The following DIP2B variants were observed in gnomAD, a reference collection of about 807,000 sequenced individuals.
The protein encoded by DIP2B is DIP2 acetate--CoA ligase B (putative).
In DIP2B, 76 loss-of-function variants were observed where a neutral mutation model predicts 198.0. The ratio of observed to expected loss-of-function variants is 0.38; its 90% CI spans 0.32 to 0.46. The LOEUF (loss-of-function observed/expected upper bound fraction) is 0.46. DIP2B is among the 20% of genes least tolerant of loss of function. DIP2B has a pLI of 0.99. For synonymous variants in DIP2B, 701 were observed against 739.1 expected, an observed-to-expected ratio of 0.95 and a Z score of 0.84; for missense variants, 1,559 against 1,978.4, an observed-to-expected ratio of 0.79 and a Z score of 4.02.
In DIP2B at chr12:50,744,571, G is replaced by A. The variant is rs756748298; in HGVS notation, c.4479-16G>A. On this transcript the variant is annotated splice_polypyrimidine_tract_variant and intron_variant, in intron 37 of 37. Transcript: ENST00000301180. Reference sequence around the variant, plus strand: ...AAATGTAGTGACAAGTTAATGAATTGTCATTGAAATTTCAGTGCCGTGTTC... The same window carrying A: ...AAATGTAGTGACAAGTTAATGAATTATCATTGAAATTTCAGTGCCGTGTTC... 4 of 1,610,512 alleles carry A rather than the reference G, an allele frequency of 2.5e-6. No homozygotes were observed. The Admixed American group carries it at 6.7e-5, about 27-fold the overall frequency.
At chr12:50,653,892 G>C (rs1009145862) in intron 3 of DIP2B, among the ~76,000 whole-genome samples, 4 of 151,296 alleles carry the variant, frequency 2.6e-5, no homozygotes, top group African/African-American at 9.7e-5. Context: ...GTTTGTTTTT[G>C]AGACAGAGCC....
chr12:50,594,269 G>A (rs943191949), intron 1 of DIP2B, among the ~76,000 whole-genome samples: 5 of 151,862 alleles, frequency 3.3e-5, no homozygotes, highest in African/African-American at 4.8e-5. Flanking sequence ...TAAATGTGAG[G>A]TATCAAAGCC....
At chr12:50,631,596 C>A (rs1938055522) in intron 2 of DIP2B, among the ~76,000 whole-genome samples, 1 of 152,128 alleles carries the variant, frequency 6.6e-6, no homozygotes, top group African/African-American at 2.4e-5. Context: ...CCACACCCAG[C>A]TAATTTTCGT....
chr12:50,664,811 G>A (rs1938716931), intron 4 of DIP2B, among the ~76,000 whole-genome samples: 1 of 139,460 alleles, frequency 7.2e-6, no homozygotes, highest in Non-Finnish European at 1.5e-5. Flanking sequence ...AAGACAAGGA[G>A]AATTTCCCTC....
chr12:50,559,579 A>G (rs1470476314), intron 1 of DIP2B, among the ~76,000 whole-genome samples: 1 of 151,980 alleles, frequency 6.6e-6, no homozygotes, highest in Non-Finnish European at 1.5e-5. Context: ...GGTCTCCACA[A>G]AAAATTAGCC....
chr12:50,696,101 A>G, intron 16 of DIP2B, 134 bp downstream of exon 16: 1 of 1,367,278 alleles, frequency 7.3e-7, no homozygotes. Context: ...TGGTTTTGGT[A>G]TATTCACGAG....
At chr12:50,583,860 T>A (rs1958746510) in intron 1 of DIP2B, among the ~76,000 whole-genome samples, 1 of 152,158 alleles carries the variant, frequency 6.6e-6, no homozygotes, top group Non-Finnish European at 1.5e-5. Context: ...TGTCTACTCT[T>A]TCTTCCATTT....
chr12:50,674,429 A>C, intron 5 of DIP2B, 45 bp from the exon 6 acceptor site: 1 of 1,607,654 alleles, frequency 6.2e-7, no homozygotes, highest in South Asian at 1.1e-5. Context: ...GAAGGTTCTT[A>C]GTTTTGCTGC....
rs148830732 is a variant in DIP2B, at chr12:50,686,606, C to A, written c.1475C>A (p.Ser492Tyr). The A allele has an allele frequency of 6.0e-4, 971 of 1,613,936 alleles. 1 individual carries two copies. Among genetic ancestry groups the A allele is most frequent in the Non-Finnish European group, 7.6e-4 (896 of 1,180,014 alleles). The change falls in exon 12 of 38, where the codon TCC becomes TAC. Residue 492 changes from serine to tyrosine, a missense_variant. Coordinates refer to ENST00000301180, the MANE Select transcript of DIP2B (RefSeq NM_173602.3). ...CGGCTCAAATGGGTTGTAACAGATT[C>A]CAAGTACCTTTCAAAGCCACCGAAA... ...WPRLKWVVTD[S>Y]KYLSKPPKDW...
intron 4 of DIP2B, 106 bp from the exon 5 acceptor site, chr12:50,671,080 G>A (rs1938844032): frequency 6.6e-6 from 7 of 1,057,960 alleles, no homozygotes; most frequent in Non-Finnish European, 9.5e-6. Flanking sequence ...TTAAGAATGC[G>A]AATGTTTTGC....
chr12:50,563,878 C>T (rs1202030919), intron 1 of DIP2B, among the ~76,000 whole-genome samples: 2 of 141,134 alleles, frequency 1.4e-5, no homozygotes, highest in East Asian at 4.6e-4. Flanking sequence ...AGGATATTTG[C>T]TGGATTTATT....
intron 1 of DIP2B, among the ~76,000 whole-genome samples, chr12:50,524,040 C>G (rs1958142215): frequency 6.6e-6 from 1 of 152,148 alleles, no homozygotes; most frequent in South Asian, 2.1e-4. Flanking sequence ...TCAGTTTTCA[C>G]AGAGCAGCGA....
chr12:50,674,442 A>G, intron 5 of DIP2B, 32 bp from the exon 6 acceptor site: 1 of 1,613,096 alleles, frequency 6.2e-7, no homozygotes, highest in Non-Finnish European at 8.5e-7. Flanking sequence ...TTTGCTGCTA[A>G]TATAATTCTA....
Position 50,744,934 on chromosome 12 carries a change from T to G in DIP2B, c.*95T>G. The G allele has an allele frequency of 6.3e-6, 9 of 1,417,702 alleles. No homozygotes were observed. The South Asian group carries it at 1.2e-4, about 19-fold the overall frequency. 87.8% of individuals were successfully genotyped at this position (1,417,702 alleles called of 1,614,324 possible). ...AGGCTTCAAACGATGTGAAATAAGCTGAGATGGCTACATGATATTCTTCAT... is the reference window on the plus strand; with the variant it reads ...AGGCTTCAAACGATGTGAAATAAGCGGAGATGGCTACATGATATTCTTCAT... On this transcript the variant is annotated 3_prime_UTR_variant, in exon 38 of 38. Transcript: ENST00000301180.
chr12:50,678,983 A>T, intron 8 of DIP2B, 107 bp downstream of exon 8: 1 of 1,256,186 alleles, frequency 8.0e-7, no homozygotes, highest in South Asian at 1.5e-5. Flanking sequence ...ATGTTTCAGT[A>T]GATTTTTTCA....
Position 50,739,597 on chromosome 12 carries a change from A to G in DIP2B, c.4354+11A>G, listed in dbSNP as rs1197654709. 1 of 1,612,500 alleles carries G rather than the reference A, an allele frequency of 6.2e-7. No homozygotes were observed. The highest frequency in any genetic ancestry group is 1.1e-5 in the South Asian group (1 of 91,040). ...CAGCGGCCACTGGAGGTACTTCTGC[A>G]ACAACTCCCCATTGACCCTGCTTTG... On this transcript the variant is annotated intron_variant, in intron 36 of 37. Transcript: ENST00000301180.
Position 50,694,500 on chromosome 12 carries a change from AATAAATACATACATAC to A in DIP2B, c.1720-763_1720-748del, listed in dbSNP as rs1269655580. 1.8e-4 allele frequency among the ~76,000 whole-genome samples: 23 copies of A among 127,122 alleles called. No individual in the cohort carries two copies. The South Asian group carries it at 3.7e-3, about 20-fold the overall frequency. The allele number at this position is 127,122 out of a possible 152,430, so 83.4% of individuals were successfully genotyped here. A position where few individuals can be genotyped will look rare whatever the true frequency, so the allele number is the denominator to read the frequency against. On this transcript the variant is annotated intron_variant, in intron 14 of 37. Coordinates refer to ENST00000301180, the MANE Select transcript of DIP2B (RefSeq NM_173602.3). ...ACAGAGCAGGACTCTGTCTCAGATA[AATAAATACATACATAC>A]ATACATACATACATACATACATACA...
intron 1 of DIP2B, among the ~76,000 whole-genome samples, chr12:50,535,962 T>C (rs191778057): frequency 7.6e-3 from 983 of 129,878 alleles, no homozygotes; most frequent in African/African-American, 0.013. Context: ...GGTTTTTTGT[T>C]CTTGCGATAG....
intron 26 of DIP2B, among the ~76,000 whole-genome samples, chr12:50,722,237 T>TTTTTG (rs1555195288): frequency 2.2e-5 from 3 of 135,934 alleles, no homozygotes; most frequent in Non-Finnish European, 4.6e-5. Context: ...TGTGATTTTT[T>TTTTTG]TTTGTTTGTT....
Sources: gnomAD v4.1 joint callset for allele counts (sites outside exome capture counted in the v4.1 genomes callset) on GRCh38, gnomAD v4.1.1 for gene constraint, MANE v1.5 for transcripts, NCBI Gene and HGNC (gene_info 2026-07-23, HGNC 2026-07-21) for gene names.